Variants in GRIA3 observed in about 807,000 individuals in gnomAD.
GRIA3 encodes the protein glutamate ionotropic receptor AMPA type subunit 3.
In GRIA3, 3 loss-of-function variants were observed where a neutral mutation model predicts 63.0. That is an observed-to-expected ratio of 0.05 (90% confidence interval 0.02 to 0.12). GRIA3 has a LOEUF of 0.12. Among genes scored for constraint, GRIA3 ranks in the 10% least tolerant of loss-of-function variants. The probability of loss-of-function intolerance (pLI) is 1.00; values close to 1 mark genes in which losing one functional copy is unlikely to be tolerated. For synonymous variants in GRIA3, 274 were observed against 257.9 expected (o/e 1.06, Z -0.60); for missense variants, 347 against 700.9 (o/e 0.50, Z 5.70).
intron 3 of GRIA3, among the ~76,000 whole-genome samples, chrX:123,312,408 G>A (rs374561023): frequency 2.7e-5 from 3 of 111,983 alleles, no homozygotes; most frequent in African/African-American, 9.7e-5. Context: ...TGAATGAAAG[G>A]TTTGTGGGAT....
At chrX:123,333,186 T>A (rs2044952698) in intron 4 of GRIA3, among the ~76,000 whole-genome samples, 1 of 112,038 alleles carries the variant, frequency 8.9e-6, no homozygotes. Context: ...TGTTATTACC[T>A]GGATTTCAGA....
chrX:123,437,319 A>G (rs1355558128), intron 12 of GRIA3, among the ~76,000 whole-genome samples: 1 of 110,979 alleles, frequency 9.0e-6, no homozygotes, highest in Non-Finnish European at 1.9e-5. Context: ...GTATAGAATA[A>G]TTCCAGGTAC....
chrX:123,373,830 CT>C (rs1295768770), intron 5 of GRIA3, among the ~76,000 whole-genome samples: 1 of 111,493 alleles, frequency 9.0e-6, no homozygotes, highest in Non-Finnish European at 1.9e-5. Flanking sequence ...ATGGTAGTTT[CT>C]TTTGCTGTGC....
intron 8 of GRIA3, 118 bp from the exon 9 acceptor site, chrX:123,403,294 C>A: frequency 1.6e-6 from 1 of 630,697 alleles, no homozygotes; most frequent in Non-Finnish European, 2.7e-6. Context: ...CCCGGGGAGA[C>A]AGGATGTCAA....
intron 2 of GRIA3, among the ~76,000 whole-genome samples, chrX:123,245,080 G>A (rs1034072181): frequency 1.8e-5 from 2 of 112,107 alleles, no homozygotes; most frequent in African/African-American, 6.5e-5. Context: ...ATGAACAGGA[G>A]GTAGATACAC....
chrX:123,210,891 G>T (rs1485386539), intron 2 of GRIA3, among the ~76,000 whole-genome samples: 1 of 111,861 alleles, frequency 8.9e-6, no homozygotes, highest in Non-Finnish European at 1.9e-5. Context: ...AGAATATCCT[G>T]TTGCTTATTA....
At chrX:123,353,397 G>A (rs2045111511) in intron 4 of GRIA3, among the ~76,000 whole-genome samples, 1 of 111,861 alleles carries the variant, frequency 8.9e-6, no homozygotes, top group South Asian at 3.7e-4. Context: ...AACTCTCTCT[G>A]ACTGAAATTC....
chrX:123,347,169 G>C (rs1390645826), intron 4 of GRIA3, among the ~76,000 whole-genome samples: 2 of 112,116 alleles, frequency 1.8e-5, no homozygotes, highest in African/African-American at 6.5e-5. Context: ...GTGTCAGTGT[G>C]ATCAGAAAGG....
intron 2 of GRIA3, among the ~76,000 whole-genome samples, chrX:123,236,043 C>A (rs1158038503): frequency 9.0e-6 from 1 of 111,251 alleles, no homozygotes; most frequent in East Asian, 2.8e-4. Context: ...TCTTAGTTTT[C>A]TCCGGGCTCA....
chrX:123,439,840 A>G lies in GRIA3; in HGVS notation c.2076+11701A>G, dbSNP rs1399068203. ...TTTTAGGTTTGTGAAGGTTTGTTAT[A>G]TAGGTAAATTTGTGTCAAAGGGGTT... On this transcript the variant is annotated intron_variant, in intron 12 of 15. Coordinates refer to ENST00000620443, the MANE Select transcript of GRIA3 (RefSeq NM_007325.5). Among the ~76,000 whole-genome samples, 6 of 109,967 alleles carry G rather than the reference A, an allele frequency of 5.5e-5. No individual in the cohort carries two copies. The East Asian group carries it at 1.7e-3, about 31-fold the overall frequency.
chrX:123,346,878 A>G (rs2045053364), intron 4 of GRIA3, among the ~76,000 whole-genome samples: 1 of 112,346 alleles, frequency 8.9e-6, no homozygotes, highest in Admixed American at 9.4e-5. Flanking sequence ...AATGTGGTTA[A>G]TAAATGCAGC....
intron 5 of GRIA3, among the ~76,000 whole-genome samples, chrX:123,369,713 T>A (rs2045235726): frequency 8.9e-6 from 1 of 112,642 alleles, no homozygotes; most frequent in South Asian, 3.7e-4. Context: ...TGTTATTCTT[T>A]ACCTTTTTCT....
At chrX:123,443,278 T>C (rs1266924919) in intron 12 of GRIA3, among the ~76,000 whole-genome samples, 2 of 111,781 alleles carry the variant, frequency 1.8e-5, no homozygotes, top group African/African-American at 6.5e-5. Context: ...CCTTGAAAGG[T>C]TTACAATTTT....
chrX:123,224,483 C>CTCA (rs1159615721), intron 2 of GRIA3, among the ~76,000 whole-genome samples: 1 of 111,963 alleles, frequency 8.9e-6, no homozygotes, highest in Non-Finnish European at 1.9e-5. Context: ...CATTCTTTTT[C>CTCA]TCATCTCTAA....
intron 2 of GRIA3, among the ~76,000 whole-genome samples, chrX:123,214,298 T>C (rs1351484472): frequency 8.9e-6 from 1 of 111,803 alleles, no homozygotes; most frequent in Non-Finnish European, 1.9e-5. Flanking sequence ...GCAAACAGAT[T>C]TAAGGTCTGT....
At chrX:123,427,638 T>A (rs2045597015) in intron 11 of GRIA3, among the ~76,000 whole-genome samples, 1 of 110,511 alleles carries the variant, frequency 9.0e-6, no homozygotes, top group Admixed American at 9.7e-5. Context: ...AGCCCAGGAG[T>A]TCAAGTCCAG....
At chrX:123,456,930 T>C (rs987273622) in intron 12 of GRIA3, among the ~76,000 whole-genome samples, 1 of 111,180 alleles carries the variant, frequency 9.0e-6, no homozygotes, top group Non-Finnish European at 1.9e-5. Context: ...GAGCCTTTAA[T>C]AAAAGCAGAA....
intron 3 of GRIA3, among the ~76,000 whole-genome samples, chrX:123,292,785 C>T (rs2044664005): frequency 9.0e-6 from 1 of 111,078 alleles, no homozygotes. Flanking sequence ...CTTCAAAATC[C>T]AACTTTCTGC....
chrX:123,323,196 T>C (rs932682326), intron 3 of GRIA3, among the ~76,000 whole-genome samples: 1 of 112,354 alleles, frequency 8.9e-6, no homozygotes, highest in Non-Finnish European at 1.9e-5. Context: ...ATCTCAGAGA[T>C]AACAGCCAAT....
Sources: allele counts gnomAD v4.1 joint callset (sites outside exome capture counted in the v4.1 genomes callset), GRCh38; gene constraint gnomAD v4.1.1; transcripts MANE v1.5; gene names NCBI Gene and HGNC (gene_info 2026-07-23, HGNC 2026-07-21).